Variants in CERS3 observed in about 807,000 individuals in gnomAD.
The protein encoded by CERS3 is LAG1 homolog, ceramide synthase 3.
A neutral mutation model predicts 50.3 loss-of-function variants in CERS3; 33 were observed. The observed-to-expected ratio is 0.66, with a 90% CI of 0.50 to 0.88. CERS3 has a LOEUF of 0.88. CERS3 is among the 40% of genes least tolerant of loss of function. CERS3 has a pLI of 0.00. For missense variants in CERS3, 470 were observed against 460.3 expected (o/e 1.02, Z -0.19); for synonymous variants, 176 against 155.2 (o/e 1.13, Z -0.99).
At chr15:100,497,962 C>T (rs969703184) in intron 3 of CERS3, among the ~76,000 whole-genome samples, 6 of 149,184 alleles carry the variant, frequency 4.0e-5, no homozygotes, top group African/African-American at 1.5e-4. Flanking sequence ...GGCGTGATCT[C>T]GGCTCACTGC....
intron 1 of CERS3, among the ~76,000 whole-genome samples, chr15:100,523,605 G>A (rs1216757822): frequency 6.6e-6 from 1 of 151,334 alleles, no homozygotes; most frequent in Non-Finnish European, 1.5e-5. Flanking sequence ...GGAGGCTGAG[G>A]CAGGAGAATG....
At chr15:100,414,561 G>T (rs932810740) in intron 11 of CERS3, among the ~76,000 whole-genome samples, 2 of 152,080 alleles carry the variant, frequency 1.3e-5, no homozygotes, top group Non-Finnish European at 2.9e-5. Context: ...AAACAGCACG[G>T]TACTGGTACC....
intron 11 of CERS3, among the ~76,000 whole-genome samples, chr15:100,438,841 G>A (rs544283135): frequency 3.9e-5 from 6 of 152,340 alleles, no homozygotes; most frequent in Admixed American, 1.3e-4. Flanking sequence ...ACACAGACAT[G>A]CTTGAGCTGG....
intron 11 of CERS3, among the ~76,000 whole-genome samples, chr15:100,443,094 C>T (rs1376239739): frequency 1.3e-5 from 2 of 151,950 alleles, no homozygotes; most frequent in Non-Finnish European, 2.9e-5. Context: ...CTGACTATTC[C>T]TGGGCTACAG....
At chr15:100,495,922 A>T (rs1412254018) in intron 3 of CERS3, among the ~76,000 whole-genome samples, 1 of 152,182 alleles carries the variant, frequency 6.6e-6, no homozygotes, top group Non-Finnish European at 1.5e-5. Context: ...GTCTATTGTT[A>T]ATCTCTGTTT....
intron 10 of CERS3, among the ~76,000 whole-genome samples, chr15:100,461,041 G>A (rs550463759): frequency 3.6e-4 from 55 of 152,222 alleles, no homozygotes; most frequent in Middle Eastern, 6.8e-3. Flanking sequence ...GAGAGGTGAA[G>A]AAGCCATCTC....
intron 2 of CERS3, among the ~76,000 whole-genome samples, chr15:100,516,878 C>T (rs2036504684): frequency 6.6e-6 from 1 of 152,230 alleles, no homozygotes; most frequent in African/African-American, 2.4e-5. Context: ...CCCAGATCTC[C>T]CTCCCAACCT....
intron 11 of CERS3, among the ~76,000 whole-genome samples, chr15:100,409,074 C>T (rs2031277700): frequency 6.6e-6 from 1 of 152,096 alleles, no homozygotes; most frequent in African/African-American, 2.4e-5. Flanking sequence ...GCAGGACACC[C>T]AGGAGACTGG....
At chr15:100,457,993 G>A (rs149565739) in intron 10 of CERS3, among the ~76,000 whole-genome samples, 12 of 144,220 alleles carry the variant, frequency 8.3e-5, no homozygotes, top group East Asian at 4.0e-4. Context: ...ATTTCTAAAC[G>A]TGAGATTACT....
At chr15:100,497,185 G>A (rs2035840459) in intron 3 of CERS3, among the ~76,000 whole-genome samples, 1 of 152,078 alleles carries the variant, frequency 6.6e-6, no homozygotes, top group African/African-American at 2.4e-5. Context: ...AATGGGAGTA[G>A]TGCATGGGGA....
chr15:100,542,287 T>A (rs1421994417), intron 1 of CERS3, among the ~76,000 whole-genome samples: 1 of 152,234 alleles, frequency 6.6e-6, no homozygotes, highest in African/African-American at 2.4e-5. Flanking sequence ...ACTCTTGGAC[T>A]GTTGAACTTC....
At chr15:100,449,508 C>T (rs138783151) in intron 11 of CERS3, among the ~76,000 whole-genome samples, 111 of 152,300 alleles carry the variant, frequency 7.3e-4, no homozygotes, top group African/African-American at 2.6e-3. Context: ...ACCATTTGGC[C>T]CACTGCTGCC....
rs760594142 is a variant in CERS3, at chr15:100,483,787, A to ATTATTATTTTT, written c.407+762_407+763insAAAAATAATAA. Among the ~76,000 whole-genome samples, 112 of 100,006 alleles carry ATTATTATTTTT rather than the reference A, an allele frequency of 1.1e-3. 1 individual carries two copies. Among genetic ancestry groups the ATTATTATTTTT allele is most frequent in the Admixed American group, 2.1e-3 (17 of 8,050 alleles). 65.6% of individuals were successfully genotyped at this position (100,006 alleles called of 152,430 possible). On this transcript the variant is annotated intron_variant, in intron 5 of 11. Coordinates refer to ENST00000679737, the MANE Select transcript of CERS3 (RefSeq NM_001378789.1). ...AATAATAATAATAATTATTATTATTATTTTTTTTTTTGAGACAGAGTCTTG... is the reference window on the plus strand; with the variant it reads ...AATAATAATAATAATTATTATTATTATTATTATTTTTTTTTTTTTTTTGAGACAGAGTCTTG...
intron 2 of CERS3, among the ~76,000 whole-genome samples, chr15:100,518,187 A>G (rs1385703092): frequency 1.3e-5 from 2 of 152,162 alleles, no homozygotes; most frequent in Non-Finnish European, 2.9e-5. Context: ...AATGTAAAAC[A>G]CCCCGATTTT....
At chr15:100,527,962 G>C (rs952631410) in intron 1 of CERS3, among the ~76,000 whole-genome samples, 1 of 152,164 alleles carries the variant, frequency 6.6e-6, no homozygotes, top group Non-Finnish European at 1.5e-5. Context: ...TTGTAGGGGG[G>C]AAGGCAATGA....
intron 11 of CERS3, among the ~76,000 whole-genome samples, chr15:100,422,696 C>G (rs1455229873): frequency 1.1e-5 from 1 of 87,802 alleles, no homozygotes; most frequent in Non-Finnish European, 2.3e-5. Flanking sequence ...AAATGTCCAA[C>G]AATGATAGAC....
At chr15:100,441,853 C>G (rs1212706754) in intron 11 of CERS3, among the ~76,000 whole-genome samples, 1 of 152,038 alleles carries the variant, frequency 6.6e-6, no homozygotes, top group East Asian at 1.9e-4. Context: ...CCTTCTTTCC[C>G]TCCCGCCTGT....
At chr15:100,404,357 A>T (rs1337626281) in intron 11 of CERS3, among the ~76,000 whole-genome samples, 1 of 152,244 alleles carries the variant, frequency 6.6e-6, no homozygotes, top group Admixed American at 6.5e-5. Context: ...TGTGCCATTT[A>T]TAATAGTTTC....
Position 100,443,953 on chromosome 15 carries a change from C to T in CERS3, c.999+11940G>A, listed in dbSNP as rs111229132. Among the ~76,000 whole-genome samples, 59 of 152,322 alleles carry T rather than the reference C, an allele frequency of 3.9e-4. No homozygotes were observed. In the Middle Eastern group the frequency reaches 0.01, roughly 26 times the overall value. ...TAAATCCTTTCCCCACTCCTCTTTC[C>T]GTTCCTTGAAGACAGCTTTAGAGAC... On this transcript the variant is annotated intron_variant, in intron 11 of 11. Coordinates refer to ENST00000679737, the MANE Select transcript of CERS3 (RefSeq NM_001378789.1).
Sources: gnomAD v4.1 joint callset for allele counts (sites outside exome capture counted in the v4.1 genomes callset) on GRCh38, gnomAD v4.1.1 for gene constraint, MANE v1.5 for transcripts, NCBI Gene and HGNC (gene_info 2026-07-23, HGNC 2026-07-21) for gene names.